RIMS2: variants seen among roughly 807,000 people sequenced by gnomAD.
RIMS2 encodes regulating synaptic membrane exocytosis protein 2.
A neutral mutation model predicts 174.4 loss-of-function variants in RIMS2; 59 were observed. The ratio of observed to expected loss-of-function variants is 0.34; its 90% CI spans 0.27 to 0.42. The LOEUF is 0.42. RIMS2 is among the 10% of genes least tolerant of loss of function. The probability of loss-of-function intolerance (pLI) is 1.00; values close to 1 mark genes in which losing one functional copy is unlikely to be tolerated. For missense variants in RIMS2, 1,620 were observed against 1,666.3 expected (o/e 0.97, Z 0.48); for synonymous variants, 606 against 572.5 (o/e 1.06, Z -0.84).
At chr8:103,906,844 A>G (rs2074526023) in intron 4 of RIMS2, among the ~76,000 whole-genome samples, 1 of 152,188 alleles carries the variant, frequency 6.6e-6, no homozygotes, top group Admixed American at 6.5e-5. Flanking sequence ...TCTGAGACAT[A>G]GATACACTTA....
intron 1 of RIMS2, among the ~76,000 whole-genome samples, chr8:103,582,838 G>A (rs1370006132): frequency 6.6e-6 from 1 of 152,300 alleles, no homozygotes; most frequent in Non-Finnish European, 1.5e-5. Context: ...GGCACCTCTG[G>A]ACCCACCTGG....
At chr8:104,094,002 A>T (rs559909242) in intron 19 of RIMS2, among the ~76,000 whole-genome samples, 1 of 152,036 alleles carries the variant, frequency 6.6e-6, no homozygotes, top group South Asian at 2.1e-4. Context: ...ATATTTTGTT[A>T]TTAGAAAACA....
chr8:104,077,567 T>C (rs1201741146), intron 19 of RIMS2, among the ~76,000 whole-genome samples: 1 of 151,004 alleles, frequency 6.6e-6, no homozygotes. Flanking sequence ...TTAATCTAAA[T>C]ATCTGTCTAT....
chr8:103,858,871 A>C (rs2154497566), intron 3 of RIMS2, among the ~76,000 whole-genome samples: 1 of 152,124 alleles, frequency 6.6e-6, no homozygotes, highest in African/African-American at 2.4e-5. Flanking sequence ...TTTACAAAGA[A>C]GGGGAAATAG....
At chr8:103,863,884 C>G (rs907165931) in intron 3 of RIMS2, among the ~76,000 whole-genome samples, 5 of 133,476 alleles carry the variant, frequency 3.7e-5, no homozygotes, top group Non-Finnish European at 7.9e-5. Context: ...TTCAAAGAAC[C>G]AAGTTTTTTT....
intron 3 of RIMS2, among the ~76,000 whole-genome samples, chr8:103,874,346 T>C (rs1220869856): frequency 6.6e-6 from 1 of 152,012 alleles, no homozygotes; most frequent in Admixed American, 6.6e-5. Context: ...CCTGAAGCAG[T>C]TGAGGCCAGT....
intron 9 of RIMS2, among the ~76,000 whole-genome samples, chr8:103,920,413 A>AC (rs1431332322): frequency 6.6e-6 from 1 of 152,120 alleles, no homozygotes; most frequent in African/African-American, 2.4e-5. Flanking sequence ...AACAACAACA[A>AC]AAAAAACCCA....
intron 19 of RIMS2, among the ~76,000 whole-genome samples, chr8:104,091,145 A>G (rs1289676242): frequency 6.6e-6 from 1 of 151,824 alleles, no homozygotes; most frequent in East Asian, 1.9e-4. Context: ...ATCCAAGATC[A>G]CAAACCTAAT....
intron 19 of RIMS2, among the ~76,000 whole-genome samples, chr8:104,162,805 A>G (rs528493422): frequency 5.9e-5 from 9 of 152,320 alleles, no homozygotes; most frequent in Admixed American, 5.9e-4. Context: ...TACATACAAG[A>G]AAAAGAAGTC....
chr8:104,016,434 T>C lies in RIMS2; in HGVS notation c.3334+1819T>C, dbSNP rs189592160. On this transcript the variant is annotated intron_variant, in intron 19 of 23. Coordinates refer to ENST00000504942, the Ensembl canonical transcript of RIMS2. ...TGATATAAGTTGTGTTCTTGTTAAC[T>C]GGATGATGGTCAACTTCTGTTTTGT... Among the ~76,000 whole-genome samples, 23 of 152,194 alleles carry C rather than the reference T, an allele frequency of 1.5e-4. No individual in the cohort carries two copies. In the East Asian group the frequency reaches 3.3e-3, roughly 22 times the overall value.
In RIMS2 at chr8:103,668,653, GATTTATTT is replaced by G. The variant is rs139537432; in HGVS notation, c.177-28410_177-28403del. ...CCATGGTGAGTCATGGAGTATAGACGATTTATTTATTTATTTATTTATTTATTTATGTA... is the reference window on the plus strand; with the variant it reads ...CCATGGTGAGTCATGGAGTATAGACGATTTATTTATTTATTTATTTATGTA... On this transcript the variant is annotated intron_variant, in intron 1 of 23. Coordinates refer to ENST00000504942, the Ensembl canonical transcript of RIMS2. Among the ~76,000 whole-genome samples the G allele has an allele frequency of 3.4e-4, 50 of 149,186 alleles. 1 individual carries two copies. Among genetic ancestry groups the G allele is most frequent in the Admixed American group, 1.5e-3 (22 of 15,062 alleles).
At chr8:103,780,472 G>C (rs765459388) in intron 3 of RIMS2, among the ~76,000 whole-genome samples, 7 of 151,834 alleles carry the variant, frequency 4.6e-5, no homozygotes, top group Non-Finnish European at 8.8e-5. Flanking sequence ...ATTTTCAAAT[G>C]CTTGTCTTCA....
intron 3 of RIMS2, among the ~76,000 whole-genome samples, chr8:103,805,251 C>T (rs958231921): frequency 1.3e-5 from 2 of 151,772 alleles, no homozygotes; most frequent in African/African-American, 4.8e-5. Context: ...TGAATTAGTC[C>T]CATGAATCTC....
intron 1 of RIMS2, among the ~76,000 whole-genome samples, chr8:103,528,608 A>G (rs1292150958): frequency 1.3e-5 from 2 of 152,186 alleles, no homozygotes; most frequent in Non-Finnish European, 2.9e-5. Flanking sequence ...CTTTCTACAT[A>G]TGGCTAGCCA....
chr8:104,168,157 T>C lies in RIMS2; in HGVS notation c.3335-76759T>C, dbSNP rs145628643. ...TTGCTTTGGCTATGCAGTCTCTTTT[T>C]TGGTTCCATATAAATTTTAGGATTT... On this transcript the variant is annotated intron_variant, in intron 19 of 23. Transcript: ENST00000504942. Among the ~76,000 whole-genome samples, 69 of 152,236 alleles carry C rather than the reference T, an allele frequency of 4.5e-4. No homozygotes were observed. The East Asian group carries it at 0.011, about 25-fold the overall frequency.
intron 19 of RIMS2, among the ~76,000 whole-genome samples, chr8:104,065,501 A>G (rs2097090184): frequency 6.6e-6 from 1 of 152,166 alleles, no homozygotes; most frequent in Non-Finnish European, 1.5e-5. Context: ...ACGCTGGATC[A>G]CTTTATCTAT....
chr8:104,087,766 A>G (rs550283573), intron 19 of RIMS2, among the ~76,000 whole-genome samples: 1 of 152,168 alleles, frequency 6.6e-6, no homozygotes, highest in Non-Finnish European at 1.5e-5. Context: ...TGAAGAGGCC[A>G]TCAGGCCTGA....
Position 103,885,756 on chromosome 8 carries a change from T to A in RIMS2, c.1157T>A (p.Leu386Gln), listed in dbSNP as rs766871193. The A allele has an allele frequency of 1.9e-6, 3 of 1,612,886 alleles. No homozygotes were observed. In the African/African-American group the frequency reaches 4.0e-5, roughly 22 times the overall value. ...CTGGAAGATTCCAGGATTTCTATGC[T>A]AAGGATGGATCGACCATCAAGGCAA... The change falls in exon 4 of 24, where the codon CTA becomes CAA. Residue 386 changes from leucine (L) to glutamine (Q), a missense_variant. Leu to Gln is a moderately radical substitution (Grantham distance 113). Coordinates refer to ENST00000504942, the Ensembl canonical transcript of RIMS2.
intron 19 of RIMS2, among the ~76,000 whole-genome samples, chr8:104,243,268 A>G (rs1181611927): frequency 1.3e-5 from 2 of 152,224 alleles, no homozygotes; most frequent in African/African-American, 4.8e-5. Flanking sequence ...GTGTACCTTA[A>G]TGTTGGAAGT....
Sources: gnomAD v4.1 joint callset for allele counts (sites outside exome capture counted in the v4.1 genomes callset) on GRCh38, gnomAD v4.1.1 for gene constraint, MANE v1.5 for transcripts, NCBI Gene and HGNC (gene_info 2026-07-23, HGNC 2026-07-21) for gene names.